The following SH3PXD2A variants were observed in gnomAD, a reference collection of about 807,000 sequenced individuals.
The protein encoded by SH3PXD2A is SH3 and PX domain-containing protein 2A.
SH3PXD2A carries 32 observed loss-of-function variants against 115.2 expected under a neutral mutation model. That is an observed-to-expected ratio of 0.28 (90% CI 0.21 to 0.37). The LOEUF is 0.37. SH3PXD2A is among the 10% of genes least tolerant of loss of function. The pLI is 1.00. For missense variants in SH3PXD2A, 1,328 were observed against 1,498.7 expected (o/e 0.89, Z 1.88); for synonymous variants, 610 against 629.1 (o/e 0.97, Z 0.45).
chr10:103,854,454 T>C (rs1163975207), intron 1 of SH3PXD2A, among the ~76,000 whole-genome samples: 1 of 152,092 alleles, frequency 6.6e-6, no homozygotes, highest in Non-Finnish European at 1.5e-5. Context: ...CCAGTCAACC[T>C]TAACCCCTTC....
chr10:103,635,358 G>T (rs74154560), intron 8 of SH3PXD2A, among the ~76,000 whole-genome samples: 4,346 of 152,302 alleles, frequency 0.029, 77 homozygotes, highest in African/African-American at 0.048. Flanking sequence ...CTCCCAAGGG[G>T]CCTGGGCTGG....
rs543525122 is a variant in SH3PXD2A at position 103,756,099 on chromosome 10, T to C, written c.229+10995A>G. ...GGTCTGGAGGCTGGGCAGCCTGGCATCCTGGGGCCTCCTCAGTGGACATCA... is the reference window on the plus strand; with the variant it reads ...GGTCTGGAGGCTGGGCAGCCTGGCACCCTGGGGCCTCCTCAGTGGACATCA... On this transcript the variant is annotated intron_variant, in intron 3 of 14. Transcript: ENST00000369774. This position sits in a 1 kb window ranked among gnomAD's most constrained non-coding sequence, Gnocchi z 4.4. Among the ~76,000 whole-genome samples, 24 of 152,284 alleles carry C rather than the reference T, an allele frequency of 1.6e-4. No individual in the cohort carries two copies. The highest frequency in any genetic ancestry group is 7.8e-4 in the Admixed American group (12 of 15,302).
At chr10:103,801,080 C>A (rs186549199) in intron 2 of SH3PXD2A, among the ~76,000 whole-genome samples, 71 of 152,296 alleles carry the variant, frequency 4.7e-4, no homozygotes, top group Admixed American at 1.6e-3. Flanking sequence ...AGGAGGCCAA[C>A]AAAGTCCTGA....
At chr10:103,786,193 C>T (rs1044090352) in intron 2 of SH3PXD2A, among the ~76,000 whole-genome samples, 4 of 152,158 alleles carry the variant, frequency 2.6e-5, no homozygotes, top group Admixed American at 6.5e-5. Flanking sequence ...CTCTCCTCTT[C>T]GAGGTGTGGG....
In SH3PXD2A at chr10:103,601,776, CAG is replaced by C; in HGVS notation, c.*38_*39del. The C allele has an allele frequency of 1.5e-6, 2 of 1,337,222 alleles. No individual in the cohort carries two copies. The highest frequency in any genetic ancestry group is 2.0e-6 in the Non-Finnish European group (2 of 1,014,432). The allele number at this position is 1,337,222 out of a possible 1,614,324, so 82.8% of individuals were successfully genotyped here. On this transcript the variant is annotated 3_prime_UTR_variant, in exon 15 of 15. Transcript: ENST00000369774. ...TCTCACCGCTCATCCAGTGGGCGGC[CAG>C]AGAGGCACACTGAGGCTGGAAGAGC...
intron 3 of SH3PXD2A, among the ~76,000 whole-genome samples, chr10:103,750,597 C>G (rs1340794178): frequency 6.6e-6 from 1 of 152,180 alleles, no homozygotes; most frequent in Non-Finnish European, 1.5e-5. Flanking sequence ...TCATGTACCT[C>G]TGAGGCTGAG....
chr10:103,808,097 G>T, intron 1 of SH3PXD2A, among the ~76,000 whole-genome samples: 1 of 152,014 alleles, frequency 6.6e-6, no homozygotes, highest in Non-Finnish European at 1.5e-5. Flanking sequence ...TCCCCTAGAT[G>T]CAGCCCACCC....
chr10:103,841,001 G>C (rs552900661), intron 1 of SH3PXD2A, among the ~76,000 whole-genome samples: 2 of 152,350 alleles, frequency 1.3e-5, no homozygotes, highest in South Asian at 2.1e-4. Context: ...GATGAGAAAA[G>C]TTTTGGTGGG....
At chr10:103,757,154 G>GCTTTCCTT (rs2038651707) in intron 3 of SH3PXD2A, among the ~76,000 whole-genome samples, 1 of 152,222 alleles carries the variant, frequency 6.6e-6, no homozygotes, top group Non-Finnish European at 1.5e-5. Context: ...ATCAGGTAAG[G>GCTTTCCTT]AAAGGATGTA....
At chr10:103,659,784 C>T (rs984928499) in intron 8 of SH3PXD2A, among the ~76,000 whole-genome samples, 18 of 152,162 alleles carry the variant, frequency 1.2e-4, no homozygotes, top group Admixed American at 4.6e-4. Context: ...AGACCCTATA[C>T]GCATATCACA....
At chr10:103,688,673 C>G (rs948467296) in intron 6 of SH3PXD2A, among the ~76,000 whole-genome samples, 3 of 152,114 alleles carry the variant, frequency 2.0e-5, no homozygotes, top group South Asian at 2.1e-4. Context: ...ACTGGTGTGG[C>G]TGAGCAGTGT....
intron 8 of SH3PXD2A, among the ~76,000 whole-genome samples, chr10:103,641,207 A>C (rs2036950781): frequency 6.6e-6 from 1 of 152,208 alleles, no homozygotes; most frequent in African/African-American, 2.4e-5. Context: ...TTTACTGTTC[A>C]AACTTTTTGG....
chr10:103,669,078 C>A (rs2037424109), intron 6 of SH3PXD2A, among the ~76,000 whole-genome samples: 1 of 152,160 alleles, frequency 6.6e-6, no homozygotes. Flanking sequence ...GTGGCCTGGA[C>A]CCAGAACCTC....
chr10:103,636,461 T>A (rs1217399342), intron 8 of SH3PXD2A, among the ~76,000 whole-genome samples: 1 of 146,992 alleles, frequency 6.8e-6, no homozygotes, highest in Non-Finnish European at 1.5e-5. Flanking sequence ...CAGATTGACA[T>A]ACACAGAGAG....
intron 4 of SH3PXD2A, among the ~76,000 whole-genome samples, chr10:103,730,857 G>A (rs1589433131): frequency 6.6e-6 from 1 of 152,294 alleles, no homozygotes; most frequent in East Asian, 1.9e-4. Flanking sequence ...AGTCGGGGTG[G>A]GCGCAGTCCT....
chr10:103,597,202 G>C lies in SH3PXD2A; in HGVS notation c.*4614C>G, dbSNP rs983217610. ...AATGGGCAGCCCAGGCTCAGCCCCA[G>C]GCCCTGCTGCAGGCTTGTGGGAATT... On this transcript the variant is annotated 3_prime_UTR_variant, in exon 15 of 15. Coordinates refer to ENST00000369774, the MANE Select transcript of SH3PXD2A (RefSeq NM_001394015.1). 6.5e-6 allele frequency: 1 copy of C among 152,712 alleles called. No individual in the cohort carries two copies. Among genetic ancestry groups the C allele is most frequent in the Non-Finnish European group, 1.5e-5 (1 of 68,090 alleles). The allele number at this position is 152,712 out of a possible 1,614,324, so 9.5% of individuals were successfully genotyped here.
chr10:103,706,983 C>A (rs1406783866), intron 5 of SH3PXD2A, among the ~76,000 whole-genome samples: 2 of 152,310 alleles, frequency 1.3e-5, no homozygotes, highest in Non-Finnish European at 1.5e-5. Flanking sequence ...GTCATGGAAA[C>A]CACCCTGGCA....
chr10:103,778,760 C>T (rs1322552313), intron 2 of SH3PXD2A, among the ~76,000 whole-genome samples: 3 of 152,354 alleles, frequency 2.0e-5, no homozygotes, highest in African/African-American at 7.2e-5. Flanking sequence ...CTCAGGGCCA[C>T]CTGCCAAGCC....
chr10:103,657,497 G>C (rs1215836313), intron 8 of SH3PXD2A, among the ~76,000 whole-genome samples: 1 of 152,246 alleles, frequency 6.6e-6, no homozygotes. Flanking sequence ...AATGGCGGCT[G>C]CATGCCCTGG....
Sources: gnomAD v4.1 joint callset for allele counts (sites outside exome capture counted in the v4.1 genomes callset) on GRCh38, gnomAD v4.1.1 for gene constraint, Gnocchi (gnomAD v3.1) non-coding constraint, MANE v1.5 for transcripts, NCBI Gene and HGNC (gene_info 2026-07-23, HGNC 2026-07-21) for gene names.